SLC25A21: variants seen among roughly 807,000 people sequenced by gnomAD.
SLC25A21 encodes the protein solute carrier family 25 member 21, also known as mitochondrial 2-oxodicarboxylate carrier.
A neutral mutation model predicts 43.8 loss-of-function variants in SLC25A21; 47 were observed. The observed-to-expected ratio is 1.07, with a 90% CI of 0.85 to 1.37. The LOEUF (loss-of-function observed/expected upper bound fraction) is 1.37. Among genes scored for constraint, SLC25A21 ranks in the 40% most tolerant of loss-of-function variants. The pLI, the probability that SLC25A21 is intolerant of heterozygous loss-of-function variation, is 0.00. For synonymous variants in SLC25A21, 131 were observed against 121.3 expected (o/e 1.08, Z -0.52); for missense variants, 352 against 350.2 (o/e 1.00, Z -0.04).
chr14:36,760,852 T>G, intron 3 of SLC25A21, among the ~76,000 whole-genome samples: 1 of 145,488 alleles, frequency 6.9e-6, no homozygotes, highest in Admixed American at 6.9e-5. Context: ...AGGAAAGAGG[T>G]AGGGAGAAAA....
At chr14:36,982,483 G>A (rs548005479) in intron 1 of SLC25A21, among the ~76,000 whole-genome samples, 3 of 152,260 alleles carry the variant, frequency 2.0e-5, no homozygotes, top group South Asian at 4.2e-4. Context: ...CTAAGCAGTA[G>A]AATTTTTAAC....
intron 1 of SLC25A21, among the ~76,000 whole-genome samples, chr14:37,011,749 C>T (rs897199126): frequency 2.0e-5 from 3 of 152,166 alleles, no homozygotes; most frequent in African/African-American, 7.2e-5. Context: ...TAAACACATC[C>T]TCATACCAAA....
intron 1 of SLC25A21, among the ~76,000 whole-genome samples, chr14:36,972,821 T>C (rs749816803): frequency 6.6e-6 from 1 of 151,816 alleles, no homozygotes; most frequent in Non-Finnish European, 1.5e-5. Flanking sequence ...TTTTTGTTTG[T>C]TTGGGTTTTT....
chr14:36,733,132 T>C (rs1884897996), intron 4 of SLC25A21, among the ~76,000 whole-genome samples: 1 of 152,188 alleles, frequency 6.6e-6, no homozygotes, highest in African/African-American at 2.4e-5. Flanking sequence ...AAAAAAATAT[T>C]CCAGGAAAAA....
chr14:37,030,612 G>A (rs1472774306), intron 1 of SLC25A21, among the ~76,000 whole-genome samples: 1 of 152,120 alleles, frequency 6.6e-6, no homozygotes, highest in Admixed American at 6.5e-5. Flanking sequence ...CTTTTTGACA[G>A]AATTCCCGGG....
At chr14:37,089,610 A>G (rs1962546590) in intron 1 of SLC25A21, among the ~76,000 whole-genome samples, 1 of 152,138 alleles carries the variant, frequency 6.6e-6, no homozygotes, top group Non-Finnish European at 1.5e-5. Flanking sequence ...CCATTTGATG[A>G]CATCAGGGGA....
At chr14:37,131,032 A>G (rs1963383827) in intron 1 of SLC25A21, among the ~76,000 whole-genome samples, 1 of 152,228 alleles carries the variant, frequency 6.6e-6, no homozygotes, top group Admixed American at 6.5e-5. Context: ...GAGAAAAACA[A>G]GGGGTGTTTC....
At chr14:36,956,590 G>A (rs960826632) in intron 1 of SLC25A21, among the ~76,000 whole-genome samples, 1 of 152,086 alleles carries the variant, frequency 6.6e-6, no homozygotes, top group Non-Finnish European at 1.5e-5. Context: ...TTTTGACAAA[G>A]AGAGTATTTA....
chr14:36,743,451 T>G (rs565073906), intron 3 of SLC25A21, among the ~76,000 whole-genome samples: 4 of 152,042 alleles, frequency 2.6e-5, no homozygotes, highest in Non-Finnish European at 5.9e-5. Context: ...AAAACAACTC[T>G]ATTTCTTGGA....
intron 7 of SLC25A21, among the ~76,000 whole-genome samples, chr14:36,706,270 T>G (rs1379595411): frequency 2.0e-5 from 3 of 152,224 alleles, no homozygotes; most frequent in African/African-American, 7.2e-5. Flanking sequence ...CACCTTAACA[T>G]TCACAAATTA....
intron 3 of SLC25A21, among the ~76,000 whole-genome samples, chr14:36,773,859 AT>A (rs1403823907): frequency 2.0e-5 from 3 of 152,240 alleles, no homozygotes; most frequent in African/African-American, 7.2e-5. Flanking sequence ...ACATACATCC[AT>A]TCATAATGGT....
intron 1 of SLC25A21, among the ~76,000 whole-genome samples, chr14:36,984,669 T>C (rs1383231257): frequency 6.6e-6 from 1 of 152,112 alleles, no homozygotes; most frequent in Non-Finnish European, 1.5e-5. Context: ...TTTTAAAAAT[T>C]GTGATGACTT....
chr14:37,122,682 C>T (rs1333505047), intron 1 of SLC25A21, among the ~76,000 whole-genome samples: 3 of 152,136 alleles, frequency 2.0e-5, no homozygotes, highest in Non-Finnish European at 4.4e-5. Context: ...TTACACTCCA[C>T]ACAAAAAGAA....
intron 1 of SLC25A21, among the ~76,000 whole-genome samples, chr14:37,019,745 C>T (rs901699103): frequency 1.3e-5 from 2 of 151,712 alleles, no homozygotes; most frequent in Non-Finnish European, 2.9e-5. Flanking sequence ...AGTAACAACC[C>T]ACTGAGGCTA....
chr14:36,845,576 G>A (rs1451376096), intron 2 of SLC25A21, among the ~76,000 whole-genome samples: 1 of 152,220 alleles, frequency 6.6e-6, no homozygotes, highest in East Asian at 1.9e-4. Flanking sequence ...TTTCAGGAAT[G>A]CAAAGAACAT....
rs7153998 is a variant in SLC25A21, at chr14:36,722,109, T to C, written c.438+3461A>G. 2.9e-3 allele frequency among the ~76,000 whole-genome samples: 449 copies of C among 152,342 alleles called. 3 individuals carry two copies. The highest frequency in any genetic ancestry group is 0.017 in the Middle Eastern group (5 of 294). On this transcript the variant is annotated intron_variant, in intron 6 of 9. Transcript: ENST00000331299. ...ACTACCCACGTGGCCATTGAGCACCTGAAATGTCCTAGTTGAGATGTGCTG... is the reference window on the plus strand; with the variant it reads ...ACTACCCACGTGGCCATTGAGCACCCGAAATGTCCTAGTTGAGATGTGCTG...
chr14:36,705,190 G>A (rs560948384), intron 7 of SLC25A21, among the ~76,000 whole-genome samples: 29 of 149,984 alleles, frequency 1.9e-4, no homozygotes, highest in Non-Finnish European at 3.5e-4. Flanking sequence ...ACTGGCGCCC[G>A]CCACCATGCC....
chr14:37,172,114 G>T, intron 1 of SLC25A21, 167 bp downstream of exon 1: 1 of 689,716 alleles, frequency 1.4e-6, no homozygotes, highest in Non-Finnish European at 2.4e-6. Flanking sequence ...TCAACTCCCG[G>T]CCTCCTCTGC....
intron 1 of SLC25A21, among the ~76,000 whole-genome samples, chr14:36,920,716 T>C (rs1313300501): frequency 6.6e-6 from 1 of 152,090 alleles, no homozygotes; most frequent in African/African-American, 2.4e-5. Flanking sequence ...CAGAAAACTT[T>C]TGTACCTTAA....
Sources: gnomAD v4.1 joint callset for allele counts (sites outside exome capture counted in the v4.1 genomes callset) on GRCh38, gnomAD v4.1.1 for gene constraint, MANE v1.5 for transcripts, NCBI Gene and HGNC (gene_info 2026-07-23, HGNC 2026-07-21) for gene names.